The following TG variants were observed in gnomAD, a reference collection of about 807,000 sequenced individuals.
TG encodes the protein thyroid hormones.
Under a neutral mutation model 324.7 loss-of-function variants are expected in TG, and 270 were observed. That is an observed-to-expected ratio of 0.83 (90% CI 0.75 to 0.92). The LOEUF (loss-of-function observed/expected upper bound fraction) is 0.92. Ranked by LOEUF, TG falls within the 40% of genes least tolerant of loss-of-function variation. TG has a pLI of 0.00. For missense variants in TG, 3,591 were observed against 3,456.4 expected, an observed-to-expected ratio of 1.04 and a Z score of -0.98; for synonymous variants, 1,401 against 1,327.0, an observed-to-expected ratio of 1.06 and a Z score of -1.21.
chr8:132,972,693 C>T lies in TG; in HGVS notation c.6151C>T (p.Pro2051Ser). The T allele has an allele frequency of 1.9e-6, 3 of 1,613,562 alleles. No individual in the cohort carries two copies. The highest frequency in any genetic ancestry group is 4.5e-5 in the East Asian group (2 of 44,848). Residue 2051 changes from proline (P) to serine (S), a missense_variant, in exon 34 of 48, where the codon CCT becomes TCT. Coordinates refer to ENST00000220616, the MANE Select transcript of TG (RefSeq NM_003235.5). Reference protein sequence around the residue: ...GAWRILDCGSPDIEVHTYPFG... With the variant: ...GAWRILDCGSSDIEVHTYPFG... ...CTGGCGCATTTTGGACTGTGGCTCT[C>T]CTGACATTGAAGTCCACACCTATCC...
At chr8:132,996,042 G>C (rs1241189655) in intron 35 of TG, among the ~76,000 whole-genome samples, 1 of 152,158 alleles carries the variant, frequency 6.6e-6, no homozygotes, top group Non-Finnish European at 1.5e-5. Context: ...GGCAGCTGTG[G>C]GGCAGTGGGG....
At chr8:133,129,833 A>G (rs957796728) in intron 45 of TG, among the ~76,000 whole-genome samples, 2 of 152,142 alleles carry the variant, frequency 1.3e-5, no homozygotes, top group African/African-American at 4.8e-5. Context: ...TGAGAATGTG[A>G]TGGAGGATAT....
chr8:133,073,487 G>A (rs533943196), intron 41 of TG, among the ~76,000 whole-genome samples: 44 of 152,098 alleles, frequency 2.9e-4, no homozygotes, highest in African/African-American at 8.0e-4. Context: ...CTCGCCTCCC[G>A]AGTAGCTGGG....
chr8:133,101,021 C>G (rs1197385664), intron 43 of TG, among the ~76,000 whole-genome samples: 1 of 152,050 alleles, frequency 6.6e-6, no homozygotes, highest in Non-Finnish European at 1.5e-5. Flanking sequence ...GGTCAGCTAA[C>G]TAGTCCTTTG....
chr8:132,977,548 C>G (rs1830317771), intron 34 of TG, among the ~76,000 whole-genome samples: 1 of 152,030 alleles, frequency 6.6e-6, no homozygotes, highest in South Asian at 2.1e-4. Context: ...ACTTACGGTT[C>G]CACATGACTG....
intron 43 of TG, among the ~76,000 whole-genome samples, chr8:133,111,616 C>T (rs1347653624): frequency 6.6e-6 from 1 of 152,164 alleles, no homozygotes; most frequent in African/African-American, 2.4e-5. Flanking sequence ...TGGAAACTCT[C>T]AGATGCGTTG....
At position 132,911,472 on chromosome 8, in the gene TG, T is replaced by G. The variant is rs866292694; in HGVS notation, c.4098T>G (p.Val1366=). 1 of 1,614,208 alleles carries G rather than the reference T, an allele frequency of 6.2e-7. No individual in the cohort carries two copies. Among genetic ancestry groups the G allele is most frequent in the Middle Eastern group, 1.6e-4 (1 of 6,062 alleles). ...CCAGGGAGCGTTTAGGAGTGAATGT[T>G]ACATGGAAATCACGGCTTGAGGACA... is the stretch of plus-strand genomic sequence containing the variant. ...CLTRERLGVN[V]TWKSRLEDIP... Residue 1366 remains valine (V), a synonymous_variant, in exon 19 of 48, where the codon GTT becomes GTG. Coordinates refer to ENST00000220616, the MANE Select transcript of TG (RefSeq NM_003235.5).
At chr8:132,947,039 G>T (rs1482663306) in intron 26 of TG, among the ~76,000 whole-genome samples, 3 of 152,212 alleles carry the variant, frequency 2.0e-5, no homozygotes, top group Non-Finnish European at 4.4e-5. Context: ...GGCTCTGAGT[G>T]TGCCCCTTGC....
chr8:133,082,207 C>T (rs1406787467), intron 41 of TG, among the ~76,000 whole-genome samples: 1 of 152,146 alleles, frequency 6.6e-6, no homozygotes, highest in Non-Finnish European at 1.5e-5. Context: ...ATAACACCAA[C>T]CTTCCTTATC....
At chr8:132,928,671 T>A (rs959154814) in intron 22 of TG, among the ~76,000 whole-genome samples, 1 of 152,210 alleles carries the variant, frequency 6.6e-6, no homozygotes, top group Non-Finnish European at 1.5e-5. Flanking sequence ...TTTTAAAAAA[T>A]AACTTACCTC....
intron 20 of TG, among the ~76,000 whole-genome samples, chr8:132,916,376 T>A (rs1820290425): frequency 6.6e-6 from 1 of 152,244 alleles, no homozygotes; most frequent in African/African-American, 2.4e-5. Context: ...TGTTCTGTCC[T>A]CTGCATCACA....
chr8:132,971,878 T>A lies in TG; in HGVS notation c.6055+5T>A, dbSNP rs889445989. The A allele has an allele frequency of 1.2e-6, 2 of 1,601,268 alleles. No homozygotes were observed. Among genetic ancestry groups the A allele is most frequent in the Non-Finnish European group, 1.7e-6 (2 of 1,168,394 alleles). On this transcript the variant is annotated splice_donor_5th_base_variant and intron_variant, in intron 33 of 47. Transcript: ENST00000220616. ...TAAATGTTTCCCAGTTAAAAGGTAA[T>A]AATGGTAACAACTTCCTCTCCCCTG...
At chr8:132,872,295 G>C (rs1025463436) in intron 4 of TG, among the ~76,000 whole-genome samples, 1 of 151,478 alleles carries the variant, frequency 6.6e-6, no homozygotes, top group Non-Finnish European at 1.5e-5. Flanking sequence ...CGGCTAACAC[G>C]GTGAAACCCC....
chr8:132,873,267 C>T (rs2132060954), intron 5 of TG, 46 bp downstream of exon 5: 1 of 1,610,348 alleles, frequency 6.2e-7, no homozygotes, highest in East Asian at 2.2e-5. Flanking sequence ...TCACCTGACG[C>T]AGCCCACACT....
At chr8:133,078,580 A>C (rs1845256268) in intron 41 of TG, among the ~76,000 whole-genome samples, 1 of 152,212 alleles carries the variant, frequency 6.6e-6, no homozygotes, top group African/African-American at 2.4e-5. Flanking sequence ...ACATTCATTC[A>C]GTTATTCATT....
rs151113631 is a variant in TG at position 132,963,044 on chromosome 8, G to A, written c.5518G>A (p.Val1840Met). 1.2e-6 allele frequency: 2 copies of A among 1,613,966 alleles called. No homozygotes were observed. Among genetic ancestry groups the A allele is most frequent in the Admixed American group, 1.7e-5 (1 of 60,014 alleles). Residue 1840 changes from valine to methionine, a missense_variant, in exon 29 of 48, where the codon GTG becomes ATG. Physicochemically the swap from Val to Met is conservative, Grantham distance 21. Transcript: ENST00000220616. ...PESMGCRKDT[V>M]PRPASPTEAG... Reference sequence around the variant, plus strand: ...GTCTATGGGATGTAGAAAAGACACAGTGCCAAGGCCAGCATCTCCAACAGA... The same window carrying A: ...GTCTATGGGATGTAGAAAAGACACAATGCCAAGGCCAGCATCTCCAACAGA...
rs769948757 is a variant in TG at position 132,948,982 on chromosome 8, C to T, written c.5401+39C>T. ...ATTTGTCCATATTCTTTCAAAATTACTCTTCACACGAGCAAGGCCCTCTGC... is the reference window on the plus strand; with the variant it reads ...ATTTGTCCATATTCTTTCAAAATTATTCTTCACACGAGCAAGGCCCTCTGC... On this transcript the variant is annotated intron_variant, in intron 27 of 47. Coordinates refer to ENST00000220616, the MANE Select transcript of TG (RefSeq NM_003235.5). 1.4e-5 allele frequency: 23 copies of T among 1,596,324 alleles called. No homozygotes were observed. The African/African-American group carries it at 1.9e-4, about 13-fold the overall frequency.
chr8:132,984,435 A>G (rs143021356), intron 35 of TG, among the ~76,000 whole-genome samples: 3 of 152,356 alleles, frequency 2.0e-5, no homozygotes, highest in Admixed American at 6.5e-5. Context: ...CTTTGCATTC[A>G]TGATAGACGT....
intron 18 of TG, 51 bp from the exon 19 acceptor site, chr8:132,911,326 A>G (rs778307654): frequency 8.1e-6 from 13 of 1,613,830 alleles, no homozygotes; most frequent in African/African-American, 1.3e-5. Flanking sequence ...ACCCAACAAA[A>G]CTAGCTTTCT....
Sources: allele counts gnomAD v4.1 joint callset (sites outside exome capture counted in the v4.1 genomes callset), GRCh38; gene constraint gnomAD v4.1.1; transcripts MANE v1.5; gene names NCBI Gene and HGNC (gene_info 2026-07-23, HGNC 2026-07-21).